Variants in ERO1B observed in about 807,000 individuals in gnomAD.
ERO1B encodes the protein ERO1-like protein beta.
Under a neutral mutation model 75.3 loss-of-function variants are expected in ERO1B, and 49 were observed. The ratio of observed to expected loss-of-function variants is 0.65; its 90% CI spans 0.52 to 0.83. ERO1B has a LOEUF of 0.83. ERO1B is among the 40% of genes least tolerant of loss of function. The pLI, the probability that ERO1B is intolerant of heterozygous loss-of-function variation, is 0.00. For missense variants in ERO1B, 512 were observed against 560.1 expected (o/e 0.91, Z 0.87); for synonymous variants, 191 against 192.9 (o/e 0.99, Z 0.08).
intron 2 of ERO1B, among the ~76,000 whole-genome samples, chr1:236,253,893 T>C (rs909655208): frequency 2.0e-5 from 3 of 152,170 alleles, no homozygotes; most frequent in African/African-American, 7.2e-5. Flanking sequence ...TAAAAATCTA[T>C]TGAAGGAAAC....
rs993190529 is a variant in ERO1B at position 236,249,814 on chromosome 1, C to A, written c.431+71G>T. ...CTTTAATGGGTTCGAAAATGTTTTA[C>A]CAAAATCATAAAAAATTGATTCTTG... On this transcript the variant is annotated intron_variant, in intron 5 of 15. Transcript: ENST00000354619. 4.1e-6 allele frequency: 5 copies of A among 1,209,534 alleles called. No individual in the cohort carries two copies. In the African/African-American group the frequency reaches 7.8e-5, roughly 19 times the overall value. The allele number at this position is 1,209,534 out of a possible 1,614,324, so 74.9% of individuals were successfully genotyped here.
chr1:236,250,618 T>TGTATA (rs1491338079), intron 4 of ERO1B, among the ~76,000 whole-genome samples: 1 of 110,236 alleles, frequency 9.1e-6, no homozygotes, highest in Non-Finnish European at 1.9e-5. Flanking sequence ...TATATATATA[T>TGTATA]CAAACGTGTG....
chr1:236,253,927 T>C (rs922287225), intron 2 of ERO1B, among the ~76,000 whole-genome samples: 2 of 152,166 alleles, frequency 1.3e-5, no homozygotes, highest in Non-Finnish European at 2.9e-5. Context: ...GTAAGTTTAG[T>C]ACGAGTTGTA....
At chr1:236,267,924 T>G (rs992868470) in intron 2 of ERO1B, 4 of 151,244 alleles carry the variant, frequency 2.6e-5, no homozygotes, top group Admixed American at 6.6e-5. Context: ...CGCATCGACC[T>G]GGTATTGCAG....
chr1:236,246,734 G>C (rs983146517), intron 5 of ERO1B, among the ~76,000 whole-genome samples: 4 of 152,112 alleles, frequency 2.6e-5, no homozygotes, highest in Admixed American at 6.5e-5. Context: ...ACTTTGGAAG[G>C]TGATAATGAC....
chr1:236,266,611 A>C (rs944033812), intron 2 of ERO1B, among the ~76,000 whole-genome samples: 27 of 152,208 alleles, frequency 1.8e-4, no homozygotes, highest in African/African-American at 6.5e-4. Context: ...CTCAAAAAAA[A>C]AAAAATTAAA....
rs968510579 is a variant in ERO1B, at chr1:236,217,875, C to A, written c.*641G>T. 2 of 152,074 alleles carry A rather than the reference C, an allele frequency of 1.3e-5. No individual in the cohort carries two copies. The highest frequency in any genetic ancestry group is 4.8e-5 in the African/African-American group (2 of 41,406). The allele number at this position is 152,074 out of a possible 1,614,324, so 9.4% of individuals were successfully genotyped here. On this transcript the variant is annotated 3_prime_UTR_variant, in exon 16 of 16. Transcript: ENST00000354619. ...CAAAGGAGGTCCTTTAGACTGGAAA[C>A]AGCAACAATTACAGCAACTAAAAAC...
At chr1:236,226,185 A>G in intron 12 of ERO1B, 84 bp downstream of exon 12, 3 of 1,387,156 alleles carry the variant, frequency 2.2e-6, no homozygotes, top group Non-Finnish European at 3.0e-6. Flanking sequence ...GTTAACTTTT[A>G]GGAGTCAGTT....
chr1:236,269,792 G>T, intron 2 of ERO1B, 83 bp downstream of exon 2: 3 of 1,088,092 alleles, frequency 2.8e-6, no homozygotes, highest in Non-Finnish European at 4.1e-6. Context: ...GTGCTGAGAG[G>T]AACTGAAATG....
intron 15 of ERO1B, among the ~76,000 whole-genome samples, chr1:236,219,100 T>C (rs184379102): frequency 6.6e-6 from 1 of 152,174 alleles, no homozygotes; most frequent in African/African-American, 2.4e-5. Context: ...ATGGGAAATA[T>C]AAAAAAGTAA....
At chr1:236,223,534 G>A (rs1167528469) in intron 13 of ERO1B, among the ~76,000 whole-genome samples, 1 of 152,182 alleles carries the variant, frequency 6.6e-6, no homozygotes, top group Non-Finnish European at 1.5e-5. Context: ...AAACTCCTGT[G>A]CTGGTCATAT....
At chr1:236,279,363 T>C (rs1169843011) in intron 1 of ERO1B, among the ~76,000 whole-genome samples, 1 of 151,050 alleles carries the variant, frequency 6.6e-6, no homozygotes, top group Non-Finnish European at 1.5e-5. Flanking sequence ...ATTAGCCGTG[T>C]GTGGTGGCAC....
Position 236,227,423 on chromosome 1 carries a change from T to A in ERO1B, c.713-684A>T, listed in dbSNP as rs534830950. ...TATCCCGTCATCCTATCCTAACCCC[T>A]GCCCCCATTTTAAAAGATTTTCTCT... is the stretch of plus-strand genomic sequence containing the variant. On this transcript the variant is annotated intron_variant, in intron 10 of 15. Transcript: ENST00000354619. Among the ~76,000 whole-genome samples the A allele has an allele frequency of 3.0e-4, 45 of 152,298 alleles. 1 individual carries two copies. In the South Asian group the frequency reaches 7.3e-3, roughly 25 times the overall value.
At chr1:236,242,536 C>T (rs1402933634) in intron 6 of ERO1B, among the ~76,000 whole-genome samples, 2 of 152,032 alleles carry the variant, frequency 1.3e-5, no homozygotes, top group Non-Finnish European at 2.9e-5. Flanking sequence ...ACCATACTAT[C>T]GTAGAAGCTC....
intron 2 of ERO1B, among the ~76,000 whole-genome samples, chr1:236,260,962 C>T (rs530408235): frequency 2.6e-5 from 4 of 152,040 alleles, no homozygotes; most frequent in Non-Finnish European, 1.5e-5. Context: ...AGATCACTCA[C>T]CATGATCAAG....
chr1:236,273,164 G>A (rs1453000828), intron 1 of ERO1B, among the ~76,000 whole-genome samples: 2 of 152,172 alleles, frequency 1.3e-5, no homozygotes, highest in African/African-American at 4.8e-5. Context: ...GAAGGCGGGA[G>A]TGTCAGAGTC....
intron 6 of ERO1B, among the ~76,000 whole-genome samples, chr1:236,239,849 GTGTATATATGTA>G (rs796275497): frequency 0.093 from 8,476 of 91,186 alleles, 98 homozygotes; most frequent in Non-Finnish European, 0.13. Flanking sequence ...ATATATATAT[GTGTATATATGTA>G]TATATATATG....
chr1:236,261,941 T>TCAAAAAAAAA (rs71297722), intron 2 of ERO1B, among the ~76,000 whole-genome samples: 2 of 151,666 alleles, frequency 1.3e-5, no homozygotes, highest in African/African-American at 4.8e-5. Flanking sequence ...AGGCTCTGTC[T>TCAAAAAAAAA]CAAAAACAAA....
chr1:236,269,167 G>A (rs745764841), intron 2 of ERO1B, among the ~76,000 whole-genome samples: 5 of 151,766 alleles, frequency 3.3e-5, no homozygotes, highest in African/African-American at 9.7e-5. Context: ...GCCAGGAGGC[G>A]GAGGTTGCAG....
Sources: gnomAD v4.1 joint callset for allele counts (sites outside exome capture counted in the v4.1 genomes callset) on GRCh38, gnomAD v4.1.1 for gene constraint, MANE v1.5 for transcripts, NCBI Gene and HGNC (gene_info 2026-07-23, HGNC 2026-07-21) for gene names.